The following A4GNT variants were observed in gnomAD, a reference collection of about 807,000 sequenced individuals.
A4GNT encodes the protein alpha-1,4-N-acetylglucosaminyltransferase.
In A4GNT, 6 loss-of-function variants were observed where a neutral mutation model predicts 8.3. That is an observed-to-expected ratio of 0.72 (90% CI 0.39 to 1.42). The LOEUF (loss-of-function observed/expected upper bound fraction) is 1.42, where lower values mean the gene tolerates loss of function less well. A4GNT is among the 40% of genes most tolerant of loss of function. The pLI is 0.02. For missense variants in A4GNT, 377 were observed against 417.0 expected (o/e 0.90, Z 0.84); for synonymous variants, 157 against 159.8 (o/e 0.98, Z 0.13).
intron 2 of A4GNT, among the ~76,000 whole-genome samples, chr3:138,128,805 C>A (rs1391808823): frequency 6.6e-6 from 1 of 152,020 alleles, no homozygotes; most frequent in Non-Finnish European, 1.5e-5. Context: ...CCTCTGCCCG[C>A]CCTGCCACTG....
Position 138,124,319 on chromosome 3 carries a change from A to C in A4GNT, c.968T>G (p.Leu323Arg). The change falls in exon 3 of 3, where the codon CTG becomes CGG. Residue 323 changes from leucine (L) to arginine (R), a missense_variant. Physicochemically the swap from Leu to Arg is moderately radical, Grantham distance 102 (BLOSUM62 -2). Coordinates refer to ENST00000236709, the MANE Select transcript of A4GNT (RefSeq NM_016161.3). ...CACTGACCCCTCTGGGCCTTTAATC[A>C]GGTCCCTGTAAGTCCTGGGACAGTG... ...RKHCPRTYRDLIKGPEGSVTG... is the reference protein window; with the variant it reads ...RKHCPRTYRDRIKGPEGSVTG... 1 of 1,614,192 alleles carries C rather than the reference A, an allele frequency of 6.2e-7. No individual in the cohort carries two copies. Among genetic ancestry groups the C allele is most frequent in the Non-Finnish European group, 8.5e-7 (1 of 1,180,032 alleles).
intron 2 of A4GNT, among the ~76,000 whole-genome samples, chr3:138,127,102 G>A (rs1275085381): frequency 8.6e-6 from 1 of 115,802 alleles, no homozygotes; most frequent in East Asian, 2.7e-4. Flanking sequence ...ACTGGCGAGA[G>A]AGCAAGACTC....
chr3:138,126,640 A>G (rs1274018946), intron 2 of A4GNT, among the ~76,000 whole-genome samples: 2 of 147,568 alleles, frequency 1.4e-5, no homozygotes, highest in Non-Finnish European at 3.0e-5. Context: ...AGCCTGACCA[A>G]CGTGATGAAG....
chr3:138,128,125 G>A (rs566763666), intron 2 of A4GNT, among the ~76,000 whole-genome samples: 4 of 152,310 alleles, frequency 2.6e-5, no homozygotes, highest in African/African-American at 9.6e-5. Flanking sequence ...AGTTCAGAAA[G>A]ATAAAGAGGC....
Position 138,124,174 on chromosome 3 carries a change from C to A in A4GNT, c.*90G>T. 1.3e-6 allele frequency: 2 copies of A among 1,507,876 alleles called. No homozygotes were observed. Among genetic ancestry groups the A allele is most frequent in the East Asian group, 2.3e-5 (1 of 44,042 alleles). 93.4% of individuals were successfully genotyped at this position (1,507,876 alleles called of 1,614,324 possible). ...TTTGAGAGGCAACCCTCTGCCCACC[C>A]CGCCAAGAGACAGTGGAGATCAAGT... On this transcript the variant is annotated 3_prime_UTR_variant, in exon 3 of 3. Coordinates refer to ENST00000236709, the MANE Select transcript of A4GNT (RefSeq NM_016161.3).
At chr3:138,128,555 G>C (rs1468118082) in intron 2 of A4GNT, among the ~76,000 whole-genome samples, 1 of 152,044 alleles carries the variant, frequency 6.6e-6, no homozygotes, top group Admixed American at 6.5e-5. Flanking sequence ...GCACCAAGTC[G>C]TGAGTGATCC....
chr3:138,133,061 C>A (rs1193865166), upstream of A4GNT, among the ~76,000 whole-genome samples: 1 of 152,216 alleles, frequency 6.6e-6, no homozygotes, highest in African/African-American at 2.4e-5. Context: ...TAGCAATCTT[C>A]TTTGGAGCCA....
rs1255787744 is a variant in A4GNT, at chr3:138,124,845, T to A, written c.442A>T (p.Ile148Phe). The A allele has an allele frequency of 3.1e-6, 5 of 1,612,806 alleles. No individual in the cohort carries two copies. Among genetic ancestry groups the A allele is most frequent in the Admixed American group, 1.7e-5 (1 of 60,002 alleles). The change falls in exon 3 of 3, where the codon ATC becomes TTC. Residue 148 changes from isoleucine (I) to phenylalanine (F), a missense_variant. Ile to Phe is a conservative substitution (Grantham distance 21). Coordinates refer to ENST00000236709, the MANE Select transcript of A4GNT (RefSeq NM_016161.3). ...NASAERNWLH[I>F]SSDASRLAII... Reference sequence around the variant, plus strand: ...GCCAGGCGGGATGCATCCGAGCTGATGTGGAGCCAGTTTCTCTCTGCGCTG... The same window carrying A: ...GCCAGGCGGGATGCATCCGAGCTGAAGTGGAGCCAGTTTCTCTCTGCGCTG...
Position 138,124,710 on chromosome 3 carries a change from C to T in A4GNT, c.577G>A (p.Gly193Arg), listed in dbSNP as rs1347276647. The change falls in exon 3 of 3, where the codon GGA (glycine) becomes AGA (arginine). Residue 193 changes from glycine to arginine, a missense_variant. By Grantham distance (125) the Gly-to-Arg change is moderately radical. Transcript: ENST00000236709. ...TGGTGGGGGAGGAACCCAAATATTC[C>T]ATTACTAGAGTACCGAGAAGCCTGC... is the stretch of plus-strand genomic sequence containing the variant. Reference protein sequence around the residue: ...AAQASRYSSNGIFGFLPHHPF... With the variant: ...AAQASRYSSNRIFGFLPHHPF... The T allele has an allele frequency of 6.2e-7, 1 of 1,614,174 alleles. No homozygotes were observed. Among genetic ancestry groups the T allele is most frequent in the South Asian group, 1.1e-5 (1 of 91,074 alleles).
At chr3:138,126,666 A>C in intron 2 of A4GNT, among the ~76,000 whole-genome samples, 1 of 148,734 alleles carries the variant, frequency 6.7e-6, no homozygotes. Context: ...TCTCCACTAC[A>C]AATACAAAAA....
chr3:138,127,499 G>A (rs113959159), intron 2 of A4GNT, among the ~76,000 whole-genome samples: 196 of 151,872 alleles, frequency 1.3e-3, no homozygotes, highest in African/African-American at 4.7e-3. Context: ...GCTTGAACCC[G>A]GGAAGCGGAG....
At chr3:138,130,636 G>T (rs1175084719) in intron 2 of A4GNT, among the ~76,000 whole-genome samples, 7 of 152,102 alleles carry the variant, frequency 4.6e-5, no homozygotes, top group Non-Finnish European at 8.8e-5. Flanking sequence ...GATCCTAAAA[G>T]AAATAAGGCT....
upstream of A4GNT, among the ~76,000 whole-genome samples, chr3:138,133,285 A>G (rs1285299256): frequency 6.6e-6 from 1 of 152,166 alleles, no homozygotes; most frequent in Non-Finnish European, 1.5e-5. Context: ...GGTCTCCACA[A>G]ACCTCTTCCT....
At chr3:138,130,042 C>T (rs549342172) in intron 2 of A4GNT, among the ~76,000 whole-genome samples, 29 of 150,590 alleles carry the variant, frequency 1.9e-4, no homozygotes, top group African/African-American at 5.8e-4. Context: ...TCCAATTATA[C>T]GAAAACACCT....
At chr3:138,124,961 C>A in intron 2 of A4GNT, 83 bp from the exon 3 acceptor site, 9 of 1,506,382 alleles carry the variant, frequency 6.0e-6, no homozygotes, top group Non-Finnish European at 8.0e-6. Flanking sequence ...CCCAGAGAGG[C>A]TGGGGAGGGG....
At position 138,123,988 on chromosome 3, in the gene A4GNT, A is replaced by G. The variant is rs1003506775; in HGVS notation, c.*276T>C. On this transcript the variant is annotated 3_prime_UTR_variant, in exon 3 of 3. Coordinates refer to ENST00000236709, the MANE Select transcript of A4GNT (RefSeq NM_016161.3). ...TACTTGCAGGAAGTCTTCACAAAATAAAGCAAGTGCACCTTTCCTCTTTTC... is the reference window on the plus strand; with the variant it reads ...TACTTGCAGGAAGTCTTCACAAAATGAAGCAAGTGCACCTTTCCTCTTTTC... 56 of 391,798 alleles carry G rather than the reference A, an allele frequency of 1.4e-4. No homozygotes were observed. Among genetic ancestry groups the G allele is most frequent in the African/African-American group, 1.1e-3 (53 of 49,432 alleles). 24.3% of individuals were successfully genotyped at this position (391,798 alleles called of 1,614,324 possible).
At chr3:138,126,947 T>C (rs1294937852) in intron 2 of A4GNT, among the ~76,000 whole-genome samples, 2 of 150,316 alleles carry the variant, frequency 1.3e-5, no homozygotes, top group Non-Finnish European at 3.0e-5. Context: ...CTGGCCAACA[T>C]AGTGAAACCC....
At position 138,124,154 on chromosome 3, in the gene A4GNT, G is replaced by A. The variant is rs1186150630; in HGVS notation, c.*110C>T. The A allele has an allele frequency of 2.1e-6, 3 of 1,427,024 alleles. No homozygotes were observed. The allele number at this position is 1,427,024 out of a possible 1,614,324, so 88.4% of individuals were successfully genotyped here. The stretch of plus-strand genomic sequence containing the variant: ...AAAGCTAATCCTAACTGACATTTGA[G>A]AGGCAACCCTCTGCCCACCCCGCCA... On this transcript the variant is annotated 3_prime_UTR_variant, in exon 3 of 3. Coordinates refer to ENST00000236709, the MANE Select transcript of A4GNT (RefSeq NM_016161.3).
chr3:138,130,181 A>G (rs1224795491), intron 2 of A4GNT, among the ~76,000 whole-genome samples: 1 of 151,942 alleles, frequency 6.6e-6, no homozygotes, highest in Non-Finnish European at 1.5e-5. Context: ...TTTTAATTCC[A>G]TATTGTGTTA....
Sources: gnomAD v4.1 joint callset for allele counts (sites outside exome capture counted in the v4.1 genomes callset) on GRCh38, gnomAD v4.1.1 for gene constraint, MANE v1.5 for transcripts, NCBI Gene and HGNC (gene_info 2026-07-23, HGNC 2026-07-21) for gene names.